ARHGAP27: variants seen among roughly 807,000 people sequenced by gnomAD.
The protein encoded by ARHGAP27 is Rho GTPase activating protein 27.
ARHGAP27 carries 53 observed loss-of-function variants against 102.0 expected under a neutral mutation model. That is an observed-to-expected ratio of 0.52 (90% CI 0.42 to 0.65). The LOEUF (loss-of-function observed/expected upper bound fraction) is 0.65, where lower values mean the gene tolerates loss of function less well. Ranked by LOEUF, ARHGAP27 falls within the 30% of genes least tolerant of loss-of-function variation. ARHGAP27 has a pLI of 0.00. For missense variants in ARHGAP27, 1,117 were observed against 1,256.2 expected, an observed-to-expected ratio of 0.89 and a Z score of 1.68; for synonymous variants, 525 against 542.8, an observed-to-expected ratio of 0.97 and a Z score of 0.46.
intron 4 of ARHGAP27, among the ~76,000 whole-genome samples, chr17:45,421,065 A>C (rs1340695915): frequency 1.4e-5 from 2 of 145,606 alleles, no homozygotes; most frequent in African/African-American, 5.1e-5. Flanking sequence ...GGTCAAGAAG[A>C]AACATCAAAC....
intron 13 of ARHGAP27, chr17:45,397,717 T>C (rs1377457544): frequency 5.0e-6 from 2 of 402,520 alleles, no homozygotes; most frequent in African/African-American, 4.1e-5. Context: ...TCCTTTAGAA[T>C]GTGCCCTACC....
chr17:45,424,031 C>T (rs2049299346), intron 4 of ARHGAP27, among the ~76,000 whole-genome samples: 1 of 152,234 alleles, frequency 6.6e-6, no homozygotes, highest in Non-Finnish European at 1.5e-5. Context: ...GCAGGCCCTT[C>T]TGCTACCTCT....
intron 8 of ARHGAP27, 30 bp downstream of exon 8, chr17:45,404,415 C>T: frequency 6.2e-7 from 1 of 1,613,930 alleles, no homozygotes; most frequent in Non-Finnish European, 8.5e-7. Context: ...TGTGGTGGTC[C>T]TGCCAGGACC....
chr17:45,411,689 G>A (rs893304938), intron 4 of ARHGAP27, among the ~76,000 whole-genome samples: 6 of 152,038 alleles, frequency 3.9e-5, no homozygotes, highest in African/African-American at 9.7e-5. Flanking sequence ...TCCCCTCCTC[G>A]CTATCAGGGT....
intron 4 of ARHGAP27, among the ~76,000 whole-genome samples, chr17:45,416,296 C>T (rs1201308605): frequency 6.6e-6 from 1 of 151,886 alleles, no homozygotes; most frequent in South Asian, 2.1e-4. Flanking sequence ...CCTCGTGATC[C>T]GCCCACCTCA....
intron 4 of ARHGAP27, among the ~76,000 whole-genome samples, chr17:45,420,050 C>G (rs2048880342): frequency 1.3e-5 from 2 of 152,176 alleles, no homozygotes; most frequent in African/African-American, 4.8e-5. Context: ...ACATACTCAT[C>G]AAATATCTAA....
Position 45,395,424 on chromosome 17 carries a change from C to A in ARHGAP27, c.*32G>T, listed in dbSNP as rs753557561. The A allele has an allele frequency of 6.5e-7, 1 of 1,533,550 alleles. No individual in the cohort carries two copies. Among genetic ancestry groups the A allele is most frequent in the East Asian group, 2.5e-5 (1 of 40,794 alleles). 95.0% of individuals were successfully genotyped at this position (1,533,550 alleles called of 1,614,324 possible). A position where few individuals can be genotyped will look rare whatever the true frequency, so the allele number is the denominator to read the frequency against. ...CCGCCGCCCAGCTTGTGTGGCAGGACCGCGGCCGCCGCCCCAGTCACAGGC... is the reference window on the plus strand; with the variant it reads ...CCGCCGCCCAGCTTGTGTGGCAGGAACGCGGCCGCCGCCCCAGTCACAGGC... On this transcript the variant is annotated 3_prime_UTR_variant, in exon 20 of 20. Transcript: ENST00000685559.
rs1224918812 is a variant in ARHGAP27 at position 45,405,884 on chromosome 17, GCGGCACCCT to G, written c.848_856del (p.Glu283_Ala285del). 11 of 1,535,938 alleles carry G rather than the reference GCGGCACCCT, an allele frequency of 7.2e-6. No individual in the cohort carries two copies. The highest frequency in any genetic ancestry group is 5.9e-5 in the South Asian group (5 of 84,056). ...CGAGGCAGGGGAGGTGGCTGGGCTG[GCGGCACCCT>G]CGGCAGCCTCAAAGGGCGACTCCCA... On this transcript the variant is annotated inframe_deletion, in exon 5 of 20. Coordinates refer to ENST00000685559, the MANE Select transcript of ARHGAP27 (RefSeq NM_001282290.2).
chr17:45,403,487 G>A (rs2046715891), intron 11 of ARHGAP27, 132 bp downstream of exon 11: 1 of 709,820 alleles, frequency 1.4e-6, no homozygotes, highest in Non-Finnish European at 2.3e-6. Flanking sequence ...GGAGGGAGAG[G>A]TTGCAGTGAG....
chr17:45,408,383 C>T (rs966031927), intron 4 of ARHGAP27: 5 of 152,160 alleles, frequency 3.3e-5, no homozygotes, highest in African/African-American at 1.2e-4. Context: ...CAGTGCTGAT[C>T]ACTGCTAAGC....
In ARHGAP27 at chr17:45,402,702, C is replaced by A. The variant is rs1190126946; in HGVS notation, c.1743+12G>T. ...AGCCCCTTCCCTCCTTCTCCCCAACCCCGCCACTCACCTCCAGCACATTCT... is the reference window on the plus strand; with the variant it reads ...AGCCCCTTCCCTCCTTCTCCCCAACACCGCCACTCACCTCCAGCACATTCT... On this transcript the variant is annotated intron_variant, in intron 12 of 19. Transcript: ENST00000685559. 6.2e-7 allele frequency: 1 copy of A among 1,602,602 alleles called. No individual in the cohort carries two copies. The highest frequency in any genetic ancestry group is 1.1e-5 in the South Asian group (1 of 90,798).
At chr17:45,407,631 C>T (rs2047374266) in intron 4 of ARHGAP27, 1 of 151,466 alleles carries the variant, frequency 6.6e-6, no homozygotes, top group Non-Finnish European at 1.5e-5. Context: ...TCTCATGCCT[C>T]AGCCTCCCAA....
chr17:45,424,666 G>A (rs2049375054), intron 4 of ARHGAP27, among the ~76,000 whole-genome samples: 1 of 148,664 alleles, frequency 6.7e-6, no homozygotes, highest in African/African-American at 2.4e-5. Flanking sequence ...TTGGGAGTGG[G>A]GGAAGGGTGG....
Position 45,405,733 on chromosome 17 carries a change from G to C in ARHGAP27, c.1008C>G (p.Pro336=). 6.2e-7 allele frequency: 1 copy of C among 1,602,658 alleles called. No individual in the cohort carries two copies. The highest frequency in any genetic ancestry group is 1.3e-5 in the African/African-American group (1 of 75,046). ...TAWEDEAENE[P]EEELEMQPGL... ...CCGGCTGCATCTCCAACTCCTCCTC[G>C]GGCTCGTTCTCGGCCTCGTCCTCCC... The change falls in exon 5 of 20, where the codon CCC becomes CCG. Residue 336 remains proline, a synonymous_variant. Coordinates refer to ENST00000685559, the MANE Select transcript of ARHGAP27 (RefSeq NM_001282290.2).
Position 45,430,258 on chromosome 17 carries a change from C to T in ARHGAP27, c.22G>A (p.Asp8Asn). Residue 8 changes from aspartate (D) to asparagine (N), a missense_variant, in exon 4 of 20, where the codon GAC (aspartate) becomes AAC (asparagine). By Grantham distance (23) the Asp-to-Asn change is conservative. Around this residue, in one of 3 missense-constraint regions of ARHGAP27, gnomAD observed 610 missense variants for 716.4 expected, o/e 0.85. Transcript: ENST00000685559. The surrounding 1 kb of genome is among the most constrained non-coding windows in gnomAD (Gnocchi z 4.4). ...GGGTGCTCCACCAGCACGTACACGT[C>T]CCCCACCACGTCCGCCGCCATCGCA... MAADVVGDVYVLVEHPFE... is the reference protein window; with the variant it reads MAADVVGNVYVLVEHPFE... 1 of 1,578,438 alleles carries T rather than the reference C, an allele frequency of 6.3e-7. No homozygotes were observed. The highest frequency in any genetic ancestry group is 1.1e-5 in the South Asian group (1 of 87,966).
chr17:45,404,637 A>G lies in ARHGAP27; in HGVS notation c.1293T>C (p.Asn431=). ...EDPHGKPYFY[N]PEDSSVRWEL... is the part of the protein sequence containing the mutation. ...CCCATCGAACAGAGGAGTCCTCTGGATTGTAGAAGTATGGCTTCCCGTGGG... is the reference window on the plus strand; with the variant it reads ...CCCATCGAACAGAGGAGTCCTCTGGGTTGTAGAAGTATGGCTTCCCGTGGG... The change falls in exon 7 of 20, where the codon AAT becomes AAC. Residue 431 remains asparagine (N), a synonymous_variant. Coordinates refer to ENST00000685559, the MANE Select transcript of ARHGAP27 (RefSeq NM_001282290.2). The G allele has an allele frequency of 6.2e-7, 1 of 1,613,206 alleles. No individual in the cohort carries two copies. Among genetic ancestry groups the G allele is most frequent in the South Asian group, 1.1e-5 (1 of 91,008 alleles).
In ARHGAP27 at chr17:45,419,244, T is replaced by C. The variant is rs1458478757; in HGVS notation, c.657+10379A>G. Among the ~76,000 whole-genome samples, 4 of 151,884 alleles carry C rather than the reference T, an allele frequency of 2.6e-5. No individual in the cohort carries two copies. In the East Asian group the frequency reaches 7.7e-4, roughly 29 times the overall value. On this transcript the variant is annotated intron_variant, in intron 4 of 19. Transcript: ENST00000685559. Reference sequence around the variant, plus strand: ...AGATAAACATAAATAAACAAGTATATAAGTAAGGGAGGGTCCACATCTCAC... The same window carrying C: ...AGATAAACATAAATAAACAAGTATACAAGTAAGGGAGGGTCCACATCTCAC...
chr17:45,417,289 C>G (rs796704695), intron 4 of ARHGAP27, among the ~76,000 whole-genome samples: 37 of 151,502 alleles, frequency 2.4e-4, no homozygotes, highest in African/African-American at 8.5e-4. Context: ...CATGGCGAAA[C>G]CCCTCCTCTA....
At chr17:45,416,147 G>A (rs1400381064) in intron 4 of ARHGAP27, among the ~76,000 whole-genome samples, 1 of 151,764 alleles carries the variant, frequency 6.6e-6, no homozygotes, top group African/African-American at 2.4e-5. Context: ...CCGGGTTCAC[G>A]CCATTCTCCT....
Sources: gnomAD v4.1 joint callset for allele counts (sites outside exome capture counted in the v4.1 genomes callset) on GRCh38, gnomAD v4.1.1 for gene constraint, gnomAD v4.1.1 regional missense constraint, Gnocchi (gnomAD v3.1) non-coding constraint, MANE v1.5 for transcripts, NCBI Gene and HGNC (gene_info 2026-07-23, HGNC 2026-07-21) for gene names.